Variants in RALGDS observed in about 807,000 individuals in gnomAD.
RALGDS encodes the protein ral guanine nucleotide dissociation stimulator, also known as ral guanine nucleotide exchange factor.
A neutral mutation model predicts 99.8 loss-of-function variants in RALGDS; 44 were observed. The observed-to-expected ratio is 0.44, with a 90% CI of 0.35 to 0.57. The LOEUF is 0.57. Among genes scored for constraint, RALGDS ranks in the 20% least tolerant of loss-of-function variants. RALGDS has a pLI of 0.01. For synonymous variants in RALGDS, 529 were observed against 505.0 expected (o/e 1.05, Z -0.64); for missense variants, 1,022 against 1,203.1 (o/e 0.85, Z 2.23).
intron 1 of RALGDS, among the ~76,000 whole-genome samples, chr9:133,143,730 C>CCCTGT (rs747406806): frequency 4.0e-5 from 5 of 123,954 alleles, no homozygotes; most frequent in Non-Finnish European, 6.8e-5. Context: ...CAGAGCAAGA[C>CCCTGT]CCTGTCTCAA....
rs374104780 is a variant in RALGDS at position 133,109,697 on chromosome 9, C to T, written c.513G>A (p.Thr171=). Residue 171 remains threonine, a synonymous_variant, in exon 4 of 18, where the codon ACG becomes ACA. Transcript: ENST00000372050. Reference sequence around the variant, plus strand: ...GGATGCAGCCGTATCTAGAGGAGGCCGTGAGGGCGTCACATCTACCGTACC... The same window carrying T: ...GGATGCAGCCGTATCTAGAGGAGGCTGTGAGGGCGTCACATCTACCGTACC... ...FKRYGRCDAL[T]ASSRYGCILP... 4.3e-5 allele frequency: 69 copies of T among 1,613,774 alleles called. No individual in the cohort carries two copies. The highest frequency in any genetic ancestry group is 1.6e-4 in the Middle Eastern group (1 of 6,084).
At chr9:133,124,575 A>G (rs116904406), upstream of RALGDS, among the ~76,000 whole-genome samples, 4,337 of 152,332 alleles carry the variant, frequency 0.028, 103 homozygotes, top group Middle Eastern at 0.044. Context: ...ATATAGAGAC[A>G]TAGACACAGA....
At chr9:133,105,830 CGCCCCAG>C in intron 9 of RALGDS, 95 bp downstream of exon 9, 5 of 189,310 alleles carry the variant, frequency 2.6e-5, no homozygotes, top group Admixed American at 9.0e-5. Context: ...CCCCAGCCCC[CGCCCCAG>C]CCCCCGCCCC....
intron 1 of RALGDS, among the ~76,000 whole-genome samples, chr9:133,142,349 T>C (rs1417289662): frequency 6.6e-6 from 1 of 152,068 alleles, no homozygotes; most frequent in Non-Finnish European, 1.5e-5. Flanking sequence ...GTCTTCTTTT[T>C]GGGCCAGGGG....
In RALGDS at chr9:133,101,727, G is replaced by A; in HGVS notation, c.2247C>T (p.Thr749=). ...TGCTGGAGGCTGAGCTGATGCCGGAGGTCTCCGGGGATGACTGTGAGGCTG... is the reference window on the plus strand; with the variant it reads ...TGCTGGAGGCTGAGCTGATGCCGGAAGTCTCCGGGGATGACTGTGAGGCTG... ...WESASQSSPE[T]SGISSASSST... The change falls in exon 16 of 18, where the codon ACC becomes ACT. Residue 749 remains threonine (T), a synonymous_variant. Coordinates refer to ENST00000372050, the MANE Select transcript of RALGDS (RefSeq NM_006266.4). The A allele has an allele frequency of 6.2e-7, 1 of 1,613,332 alleles. No individual in the cohort carries two copies. The highest frequency in any genetic ancestry group is 1.1e-5 in the South Asian group (1 of 91,002).
chr9:133,148,604 G>C (rs1175789293), intron 1 of RALGDS, among the ~76,000 whole-genome samples: 3 of 152,256 alleles, frequency 2.0e-5, no homozygotes, highest in Non-Finnish European at 2.9e-5. Flanking sequence ...CTGTACGTGC[G>C]CGGAGAAGCC....
Position 133,108,081 on chromosome 9 carries a change from A to C in RALGDS, c.1104T>G (p.Pro368=). ...CACTCAGCCCGTTCTCTGCAACCAC[A>C]GGTGAAGGCCAGGAAGGCTGTAATG... The part of the protein sequence containing the change: ...VPSLQPSWPS[P]VVAENGLSEE... Residue 368 remains proline, a synonymous_variant, in exon 6 of 18, where the codon CCT becomes CCG. Coordinates refer to ENST00000372050, the MANE Select transcript of RALGDS (RefSeq NM_006266.4). 6.2e-7 allele frequency: 1 copy of C among 1,613,714 alleles called. No homozygotes were observed. The highest frequency in any genetic ancestry group is 8.5e-7 in the Non-Finnish European group (1 of 1,180,032).
intron 1 of RALGDS, among the ~76,000 whole-genome samples, chr9:133,114,588 C>T (rs1334574734): frequency 1.3e-5 from 2 of 152,218 alleles, no homozygotes; most frequent in Non-Finnish European, 2.9e-5. Flanking sequence ...ATCTGGGCAG[C>T]GCCTGGGCCC....
chr9:133,148,947 G>A (rs1832670363), intron 1 of RALGDS: 16 of 1,602,258 alleles, frequency 1.0e-5, no homozygotes, highest in Non-Finnish European at 1.4e-5. Context: ...CGAGGCTGGG[G>A]ACGGCGCGCA....
At chr9:133,120,648 G>A (rs1257758153) in intron 1 of RALGDS, among the ~76,000 whole-genome samples, 1 of 152,196 alleles carries the variant, frequency 6.6e-6, no homozygotes, top group African/African-American at 2.4e-5. Flanking sequence ...ACAGGCCACC[G>A]ATGTAAACAG....
intron 1 of RALGDS, among the ~76,000 whole-genome samples, chr9:133,119,865 C>T (rs974040436): frequency 6.6e-6 from 1 of 152,134 alleles, no homozygotes; most frequent in African/African-American, 2.4e-5. Context: ...GCATCCAGGC[C>T]CTGTCTAGGT....
chr9:133,100,997 G>A, intron 16 of RALGDS: 1 of 1,058,546 alleles, frequency 9.4e-7, no homozygotes, highest in South Asian at 3.2e-5. Flanking sequence ...CAGGACACCT[G>A]GAGGATGAAG....
At position 133,102,747 on chromosome 9, in the gene RALGDS, C is replaced by T. The variant is rs199848918; in HGVS notation, c.1913+32G>A. The T allele has an allele frequency of 3.0e-4, 477 of 1,606,960 alleles. 1 individual carries two copies. The highest frequency in any genetic ancestry group is 7.1e-4 in the South Asian group (64 of 90,422). ...AGCTGGCCCCCTAGGACAGCCTGCC[C>T]CCACTGTCCCCATTTGCTGCCCCGG... On this transcript the variant is annotated intron_variant, in intron 13 of 17. Coordinates refer to ENST00000372050, the MANE Select transcript of RALGDS (RefSeq NM_006266.4).
chr9:133,103,370 A>C lies in RALGDS; in HGVS notation c.1759-108T>G, dbSNP rs142064948. On this transcript the variant is annotated intron_variant, in intron 11 of 17. Transcript: ENST00000372050. ...GTGCCCACCAGGGGGCAGGGCACGC[A>C]CACCCCTGGATTGAAGCCGGTGCTG... 30 of 1,388,352 alleles carry C rather than the reference A, an allele frequency of 2.2e-5. No individual in the cohort carries two copies. The African/African-American group carries it at 4.0e-4, about 18-fold the overall frequency. 86.0% of individuals were successfully genotyped at this position (1,388,352 alleles called of 1,614,324 possible). A position where few individuals can be genotyped will look rare whatever the true frequency, so the allele number is the denominator to read the frequency against.
rs1204523674 is a variant in RALGDS, at chr9:133,101,982, T to C, written c.2167A>G (p.Asn723Asp). The change falls in exon 15 of 18, where the codon AAC becomes GAC. Residue 723 changes from asparagine to aspartate, a missense_variant. Physicochemically the swap from Asn to Asp is conservative, Grantham distance 23. Transcript: ENST00000372050. The stretch of plus-strand genomic sequence containing the variant: ...GGAGACTCCGGGACGAAGCTGATGT[T>C]GATCTCCTCCACGTCGGAGCTAGAG... The part of the protein sequence containing the change: ...GSSSSDVEEI[N>D]ISFVPESPDG... The C allele has an allele frequency of 6.4e-7, 1 of 1,551,882 alleles. No individual in the cohort carries two copies. The highest frequency in any genetic ancestry group is 8.7e-7 in the Non-Finnish European group (1 of 1,147,314).
At chr9:133,107,895 A>C (rs1012116064) in intron 6 of RALGDS, 93 bp downstream of exon 6, 2 of 1,490,440 alleles carry the variant, frequency 1.3e-6, no homozygotes, top group African/African-American at 2.8e-5. Context: ...TTTGACCAGA[A>C]CATCAGCTCT....
intron 1 of RALGDS, among the ~76,000 whole-genome samples, chr9:133,116,710 G>A (rs1005405102): frequency 2.6e-5 from 4 of 152,240 alleles, no homozygotes; most frequent in African/African-American, 9.6e-5. Flanking sequence ...AAGGCCCTTT[G>A]GACACCCATC....
At chr9:133,127,714 C>A (rs1054720003) in intron 1 of RALGDS, among the ~76,000 whole-genome samples, 1 of 152,224 alleles carries the variant, frequency 6.6e-6, no homozygotes, top group African/African-American at 2.4e-5. Context: ...CTGGTGGCTT[C>A]TTCCTCCTCC....
In RALGDS at chr9:133,101,621, A is replaced by G; in HGVS notation, c.2353T>C (p.Ser785Pro). Residue 785 changes from serine to proline, a missense_variant, in exon 16 of 18, where the codon TCC becomes CCC. Ser to Pro is a moderately conservative substitution (Grantham distance 74). Around this residue, in one of 3 missense-constraint regions of RALGDS, gnomAD observed 825 missense variants for 994.5 expected, o/e 0.83. Coordinates refer to ENST00000372050, the MANE Select transcript of RALGDS (RefSeq NM_006266.4). The stretch of plus-strand genomic sequence containing the variant: ...TTGTAGAGCGGCAGCGCGGAGCTGG[A>G]GTTGCAGAGCCCTGAGACAGAGCGC... ...HKRSVSGLCN[S>P]SSALPLYNQQ... The G allele has an allele frequency of 6.2e-7, 1 of 1,613,574 alleles. No individual in the cohort carries two copies. Among genetic ancestry groups the G allele is most frequent in the Middle Eastern group, 1.6e-4 (1 of 6,062 alleles).
Sources: gnomAD v4.1 joint callset for allele counts (sites outside exome capture counted in the v4.1 genomes callset) on GRCh38, gnomAD v4.1.1 for gene constraint, gnomAD v4.1.1 regional missense constraint, MANE v1.5 for transcripts, NCBI Gene and HGNC (gene_info 2026-07-23, HGNC 2026-07-21) for gene names.